Variants in CNTNAP2 observed in about 807,000 individuals in gnomAD.
The protein encoded by CNTNAP2 is contactin-associated protein-like 2.
Under a neutral mutation model 155.2 loss-of-function variants are expected in CNTNAP2, and 98 were observed. That is an observed-to-expected ratio of 0.63 (90% CI 0.54 to 0.75). CNTNAP2 has a LOEUF of 0.75. CNTNAP2 is among the 30% of genes least tolerant of loss of function. CNTNAP2 has a pLI of 0.00. For synonymous variants in CNTNAP2, 651 were observed against 631.2 expected, an observed-to-expected ratio of 1.03 and a Z score of -0.47; for missense variants, 1,727 against 1,688.1, an observed-to-expected ratio of 1.02 and a Z score of -0.40.
intron 10 of CNTNAP2, among the ~76,000 whole-genome samples, chr7:147,477,269 T>C (rs939023053): frequency 6.6e-6 from 1 of 152,140 alleles, no homozygotes; most frequent in Non-Finnish European, 1.5e-5. Context: ...ACCTATCAGG[T>C]TTGAAACTTC....
chr7:146,483,319 A>G (rs1451064611), intron 1 of CNTNAP2, among the ~76,000 whole-genome samples: 1 of 89,960 alleles, frequency 1.1e-5, no homozygotes, highest in Non-Finnish European at 2.2e-5. Context: ...ATATATATAT[A>G]TATATATATA....
At chr7:147,979,749 A>G (rs1384218044) in intron 15 of CNTNAP2, among the ~76,000 whole-genome samples, 1 of 152,058 alleles carries the variant, frequency 6.6e-6, no homozygotes, top group African/African-American at 2.4e-5. Flanking sequence ...CAGCCTCCCA[A>G]GTAGCTGGGA....
At chr7:147,991,818 G>A (rs371581032) in intron 15 of CNTNAP2, among the ~76,000 whole-genome samples, 1 of 152,140 alleles carries the variant, frequency 6.6e-6, no homozygotes, top group Non-Finnish European at 1.5e-5. Flanking sequence ...GTGCTAAGCT[G>A]TGAGCTATAA....
chr7:146,670,100 T>C (rs1461814326), intron 1 of CNTNAP2, among the ~76,000 whole-genome samples: 1 of 152,238 alleles, frequency 6.6e-6, no homozygotes, highest in Admixed American at 6.5e-5. Context: ...TTGTTCAGTG[T>C]AGTTTTGTTT....
chr7:147,890,808 G>A (rs572575182), intron 13 of CNTNAP2, among the ~76,000 whole-genome samples: 135 of 152,288 alleles, frequency 8.9e-4, no homozygotes, highest in Non-Finnish European at 1.7e-3. Context: ...GGGAATGGGA[G>A]GTTGCAGAGT....
chr7:147,609,768 C>G lies in CNTNAP2; in HGVS notation c.1898-29338C>G, dbSNP rs113903274. On this transcript the variant is annotated intron_variant, in intron 12 of 23. Coordinates refer to ENST00000361727, the MANE Select transcript of CNTNAP2 (RefSeq NM_014141.6). ...AAAAGACACACAAATTTGTTACCTACAGGAGGACATCACTGGAGAGAAACC... is the reference window on the plus strand; with the variant it reads ...AAAAGACACACAAATTTGTTACCTAGAGGAGGACATCACTGGAGAGAAACC... 1.1e-3 allele frequency among the ~76,000 whole-genome samples: 170 copies of G among 152,200 alleles called. 1 individual carries two copies. The highest frequency in any genetic ancestry group is 2.2e-3 in the Non-Finnish European group (147 of 68,012).
At chr7:147,925,693 C>T (rs1421002443) in intron 14 of CNTNAP2, among the ~76,000 whole-genome samples, 2 of 152,256 alleles carry the variant, frequency 1.3e-5, no homozygotes, top group East Asian at 3.9e-4. Context: ...GATCTCCTGA[C>T]CTCGTGATCC....
At chr7:146,403,286 G>T (rs915577281) in intron 1 of CNTNAP2, among the ~76,000 whole-genome samples, 13 of 152,066 alleles carry the variant, frequency 8.5e-5, no homozygotes, top group African/African-American at 2.9e-4. Flanking sequence ...ATAGTCACTT[G>T]CTATCATATT....
intron 3 of CNTNAP2, among the ~76,000 whole-genome samples, chr7:146,932,173 A>G (rs1204845750): frequency 6.6e-6 from 1 of 152,236 alleles, no homozygotes; most frequent in Non-Finnish European, 1.5e-5. Context: ...ATGAACACTG[A>G]TGCAAAAATC....
At chr7:148,353,488 C>G (rs902852581) in intron 21 of CNTNAP2, among the ~76,000 whole-genome samples, 2 of 152,220 alleles carry the variant, frequency 1.3e-5, no homozygotes, top group African/African-American at 4.8e-5. Flanking sequence ...AAAACCTCCT[C>G]TACATATTAT....
chr7:147,969,480 G>GA (rs1490797611), intron 14 of CNTNAP2, among the ~76,000 whole-genome samples: 2 of 152,102 alleles, frequency 1.3e-5, no homozygotes, highest in African/African-American at 4.8e-5. Context: ...GAGTTGTTGG[G>GA]ACCTACTGCA....
At chr7:147,772,703 C>T (rs557562906) in intron 13 of CNTNAP2, among the ~76,000 whole-genome samples, 2 of 152,028 alleles carry the variant, frequency 1.3e-5, no homozygotes, top group East Asian at 3.9e-4. Flanking sequence ...CCCCAGTGAA[C>T]AGAGGCAGCA....
At chr7:147,096,275 T>C (rs1274146863) in intron 4 of CNTNAP2, among the ~76,000 whole-genome samples, 4 of 152,186 alleles carry the variant, frequency 2.6e-5, no homozygotes, top group African/African-American at 9.6e-5. Context: ...CCAAATCAAC[T>C]GGTGAACATT....
chr7:147,141,939 G>C (rs1366936392), intron 8 of CNTNAP2, among the ~76,000 whole-genome samples: 2 of 152,164 alleles, frequency 1.3e-5, no homozygotes, highest in Non-Finnish European at 2.9e-5. Context: ...CTGAGACTTT[G>C]CTGAAGTTGC....
intron 4 of CNTNAP2, among the ~76,000 whole-genome samples, chr7:147,061,804 G>A (rs1799680786): frequency 1.3e-5 from 2 of 152,256 alleles, no homozygotes; most frequent in African/African-American, 4.8e-5. Flanking sequence ...GAATAAACTA[G>A]TATACTTAGT....
intron 3 of CNTNAP2, among the ~76,000 whole-genome samples, chr7:146,923,363 A>G (rs1385007111): frequency 6.6e-6 from 1 of 152,194 alleles, no homozygotes; most frequent in Non-Finnish European, 1.5e-5. Context: ...ATCAAGATGC[A>G]CAAGGCATCA....
chr7:146,263,915 T>G, intron 1 of CNTNAP2, among the ~76,000 whole-genome samples: 1 of 152,178 alleles, frequency 6.6e-6, no homozygotes, highest in Admixed American at 6.5e-5. Flanking sequence ...TATCTTAATT[T>G]ACTTATAGAG....
intron 17 of CNTNAP2, among the ~76,000 whole-genome samples, chr7:148,157,889 T>C (rs1805434852): frequency 6.6e-6 from 1 of 152,162 alleles, no homozygotes; most frequent in African/African-American, 2.4e-5. Context: ...CAATCGACCA[T>C]ATGCAAAGCA....
At chr7:147,042,957 T>C (rs1799287746) in intron 3 of CNTNAP2, among the ~76,000 whole-genome samples, 1 of 152,150 alleles carries the variant, frequency 6.6e-6, no homozygotes, top group Non-Finnish European at 1.5e-5. Context: ...TAGGGACATT[T>C]AGAATGCATA....
Sources: allele counts gnomAD v4.1 joint callset (sites outside exome capture counted in the v4.1 genomes callset), GRCh38; gene constraint gnomAD v4.1.1; transcripts MANE v1.5; gene names NCBI Gene and HGNC (gene_info 2026-07-23, HGNC 2026-07-21).